The following CAST variants were observed in gnomAD, a reference collection of about 807,000 sequenced individuals.
CAST encodes calpastatin.
Under a neutral mutation model 119.6 loss-of-function variants are expected in CAST, and 76 were observed. The ratio of observed to expected loss-of-function variants is 0.64; its 90% CI spans 0.53 to 0.77. CAST has a LOEUF of 0.77. Ranked by LOEUF, CAST falls within the 30% of genes least tolerant of loss-of-function variation. CAST has a pLI of 0.00. For synonymous variants in CAST, 319 were observed against 331.6 expected (o/e 0.96, Z 0.41); for missense variants, 953 against 946.5 (o/e 1.01, Z -0.09).
At chr5:96,404,094 A>G in the CAST span, among the ~76,000 whole-genome samples, 9 of 152,204 alleles carry the variant, frequency 5.9e-5, no homozygotes, top group Admixed American at 5.2e-4. Flanking sequence ...TGCCACAAAC[A>G]TTTATGCAAG....
chr5:96,212,366 T>C, the CAST span, among the ~76,000 whole-genome samples: 19 of 152,184 alleles, frequency 1.2e-4, no homozygotes, highest in African/African-American at 4.1e-4. Context: ...TCCTCTTTGA[T>C]CCATGGATTA....
chr5:96,430,530 C>G, the CAST span, among the ~76,000 whole-genome samples: 7 of 152,130 alleles, frequency 4.6e-5, no homozygotes, highest in Non-Finnish European at 1.0e-4. Flanking sequence ...TCTGTTTTCT[C>G]TGCTGTCAAC....
chr5:96,624,421 T>C (rs1747681262), intron 1 of CAST, among the ~76,000 whole-genome samples: 1 of 152,264 alleles, frequency 6.6e-6, no homozygotes, highest in Admixed American at 6.5e-5. Flanking sequence ...GTTTGTTTTA[T>C]AATATATGCA....
intron 1 of CAST, chr5:96,529,900 C>T (rs1449210380): frequency 2.7e-6 from 1 of 367,416 alleles, no homozygotes; most frequent in South Asian, 2.0e-5. Context: ...TTAAACCTCT[C>T]TTATTTATAA....
chr5:96,667,695 A>C (rs78757066), intron 1 of CAST, among the ~76,000 whole-genome samples: 2,551 of 152,280 alleles, frequency 0.017, 35 homozygotes, highest in Non-Finnish European at 0.024. Context: ...AATATATATT[A>C]AGCATTAGTA....
intron 1 of CAST, among the ~76,000 whole-genome samples, chr5:96,563,208 A>G (rs1746412303): frequency 2.0e-5 from 3 of 152,276 alleles, no homozygotes; most frequent in Admixed American, 1.3e-4. Flanking sequence ...ACTCCCATAA[A>G]AAATAGTTAG....
intron 1 of CAST, among the ~76,000 whole-genome samples, chr5:96,656,791 C>T (rs540200608): frequency 3.0e-4 from 45 of 152,158 alleles, no homozygotes; most frequent in Middle Eastern, 3.4e-3. Flanking sequence ...AGGGGTGAGC[C>T]GGGCAGATAT....
intron 1 of CAST, among the ~76,000 whole-genome samples, chr5:96,598,174 G>A (rs577028475): frequency 6.6e-6 from 1 of 152,184 alleles, no homozygotes; most frequent in Non-Finnish European, 1.5e-5. Flanking sequence ...CTATAAATAA[G>A]CTCTGGCTCC....
At chr5:96,484,732 G>C in the CAST span, among the ~76,000 whole-genome samples, 1 of 144,780 alleles carries the variant, frequency 6.9e-6, no homozygotes, top group Non-Finnish European at 1.5e-5. Context: ...GAACTCCAAC[G>C]AGCTCATAAC....
rs189188827 is a variant in CAST at position 96,748,644 on chromosome 5, T to C, written c.1428+31T>C. On this transcript the variant is annotated intron_variant, in intron 19 of 31. Transcript: ENST00000675179. Reference sequence around the variant, plus strand: ...TTTCTAAACATATAAATCTCTAGTTTTGAGGTTTGTGATCTTAAAAAAAAA... The same window carrying C: ...TTTCTAAACATATAAATCTCTAGTTCTGAGGTTTGTGATCTTAAAAAAAAA... 80 of 1,125,776 alleles carry C rather than the reference T, an allele frequency of 7.1e-5. No individual in the cohort carries two copies. The Admixed American group carries it at 1.1e-3, about 16-fold the overall frequency. 69.7% of individuals were successfully genotyped at this position (1,125,776 alleles called of 1,614,324 possible).
At chr5:95,961,747 C>T in the CAST span, 2 of 1,575,906 alleles carry the variant, frequency 1.3e-6, no homozygotes, top group South Asian at 2.3e-5. Flanking sequence ...GTGCCGCCGC[C>T]GCCGCCGCTC....
upstream of CAST, among the ~76,000 whole-genome samples, chr5:96,661,410 GC>G (rs1318393258): frequency 1.4e-4 from 15 of 109,770 alleles, no homozygotes; most frequent in African/African-American, 5.7e-4. Context: ...GAGCGAAACT[GC>G]CTCTCCAGAA....
the CAST span, among the ~76,000 whole-genome samples, chr5:96,080,659 C>T: frequency 6.6e-6 from 1 of 152,264 alleles, no homozygotes; most frequent in Non-Finnish European, 1.5e-5. Flanking sequence ...AAAATGAGAC[C>T]TGATTTATGT....
At chr5:96,613,511 T>C (rs1052709084) in intron 1 of CAST, among the ~76,000 whole-genome samples, 6 of 152,166 alleles carry the variant, frequency 3.9e-5, no homozygotes, top group Non-Finnish European at 7.3e-5. Context: ...ATTTTCTAGC[T>C]AAGGAAACTA....
the CAST span, among the ~76,000 whole-genome samples, chr5:96,054,187 C>T: frequency 6.6e-6 from 1 of 151,772 alleles, no homozygotes; most frequent in African/African-American, 2.4e-5. Context: ...TAATATAGCT[C>T]TGATTATGAG....
chr5:96,225,553 A>G, the CAST span, among the ~76,000 whole-genome samples: 1 of 152,218 alleles, frequency 6.6e-6, no homozygotes. Flanking sequence ...TTTGAAAAGC[A>G]GTGAAGGTAA....
the CAST span, among the ~76,000 whole-genome samples, chr5:95,980,766 G>T: frequency 6.6e-6 from 1 of 152,088 alleles, no homozygotes; most frequent in South Asian, 2.1e-4. Flanking sequence ...CTGGCAGGTG[G>T]CAGAGAAGGC....
At chr5:96,207,590 T>G in the CAST span, among the ~76,000 whole-genome samples, 2 of 152,202 alleles carry the variant, frequency 1.3e-5, no homozygotes, top group Admixed American at 1.3e-4. Flanking sequence ...TCTGTTTATG[T>G]GATGAATCAC....
upstream of CAST, among the ~76,000 whole-genome samples, chr5:96,661,401 A>G (rs1056373790): frequency 2.2e-5 from 3 of 138,424 alleles, no homozygotes; most frequent in Non-Finnish European, 4.6e-5. Flanking sequence ...CTCCAGACAG[A>G]GCGAAACTGC....
Sources: allele counts gnomAD v4.1 joint callset (sites outside exome capture counted in the v4.1 genomes callset), GRCh38; gene constraint gnomAD v4.1.1; transcripts MANE v1.5; gene names NCBI Gene and HGNC (gene_info 2026-07-23, HGNC 2026-07-21).